The following ITFG1 variants were observed in gnomAD, a reference collection of about 807,000 sequenced individuals.
ITFG1 encodes the protein integrin alpha FG-GAP repeat containing 1.
In ITFG1, 34 loss-of-function variants were observed where a neutral mutation model predicts 81.8. The ratio of observed to expected loss-of-function variants is 0.42; its 90% CI spans 0.32 to 0.55. The LOEUF is 0.55. Ranked by LOEUF, ITFG1 falls within the 20% of genes least tolerant of loss-of-function variation. The pLI is 0.17. For missense variants in ITFG1, 672 were observed against 755.4 expected, an observed-to-expected ratio of 0.89 and a Z score of 1.29; for synonymous variants, 285 against 270.6, an observed-to-expected ratio of 1.05 and a Z score of -0.52.
At chr16:47,359,663 G>C (rs1050104099) in intron 8 of ITFG1, among the ~76,000 whole-genome samples, 3 of 152,090 alleles carry the variant, frequency 2.0e-5, no homozygotes, top group Admixed American at 2.0e-4. Flanking sequence ...ACAAGACCTG[G>C]CCAAGTGCCA....
intron 8 of ITFG1, among the ~76,000 whole-genome samples, chr16:47,327,998 A>C (rs1967579200): frequency 6.6e-6 from 1 of 152,182 alleles, no homozygotes; most frequent in Non-Finnish European, 1.5e-5. Flanking sequence ...ATTATAAATA[A>C]TGCTGCTATA....
chr16:47,454,819 C>T (rs1969432157), intron 2 of ITFG1, among the ~76,000 whole-genome samples: 1 of 152,028 alleles, frequency 6.6e-6, no homozygotes, highest in Non-Finnish European at 1.5e-5. Flanking sequence ...AGCTTAACGT[C>T]CTGCAGTCTT....
At chr16:47,354,602 G>A (rs568209035) in intron 8 of ITFG1, among the ~76,000 whole-genome samples, 2 of 152,128 alleles carry the variant, frequency 1.3e-5, no homozygotes, top group East Asian at 3.9e-4. Flanking sequence ...AAACAAGTAA[G>A]AGTGATGAGA....
At chr16:47,421,127 A>C (rs1337658256) in intron 6 of ITFG1, among the ~76,000 whole-genome samples, 2 of 152,030 alleles carry the variant, frequency 1.3e-5, no homozygotes, top group Non-Finnish European at 2.9e-5. Context: ...CTTTCAGTCT[A>C]TACATGTTGT....
intron 1 of ITFG1, 134 bp downstream of exon 1, chr16:47,460,704 C>T (rs1246691277): frequency 2.0e-5 from 19 of 967,304 alleles, no homozygotes; most frequent in Non-Finnish European, 3.0e-5. Context: ...GTTAAGAATG[C>T]TAAAGGGAAG....
intron 12 of ITFG1, among the ~76,000 whole-genome samples, chr16:47,246,489 G>C (rs976392435): frequency 1.3e-5 from 2 of 152,082 alleles, no homozygotes; most frequent in African/African-American, 4.8e-5. Flanking sequence ...TATCATGCTG[G>C]TTCATAATAT....
At chr16:47,217,160 G>C (rs777259628) in intron 14 of ITFG1, among the ~76,000 whole-genome samples, 2 of 150,618 alleles carry the variant, frequency 1.3e-5, no homozygotes, top group Non-Finnish European at 3.0e-5. Flanking sequence ...AAAAGAAAAA[G>C]AAAGTATTTT....
intron 8 of ITFG1, among the ~76,000 whole-genome samples, chr16:47,337,073 G>T (rs1967714373): frequency 6.7e-6 from 1 of 150,298 alleles, no homozygotes; most frequent in Non-Finnish European, 1.5e-5. Flanking sequence ...GGGAGGCGGG[G>T]GTTGCAGTGA....
intron 13 of ITFG1, among the ~76,000 whole-genome samples, chr16:47,230,925 T>G (rs1965810629): frequency 6.6e-6 from 1 of 152,164 alleles, no homozygotes; most frequent in African/African-American, 2.4e-5. Context: ...ATTTTTTGTA[T>G]TTTTAGTAGA....
At chr16:47,349,041 A>G (rs939526077) in intron 8 of ITFG1, among the ~76,000 whole-genome samples, 5 of 152,222 alleles carry the variant, frequency 3.3e-5, no homozygotes, top group African/African-American at 9.6e-5. Context: ...GGCCTGCCCT[A>G]AAAGAGCTCC....
chr16:47,197,073 A>C (rs1965366967), intron 14 of ITFG1, among the ~76,000 whole-genome samples: 1 of 152,204 alleles, frequency 6.6e-6, no homozygotes, highest in Non-Finnish European at 1.5e-5. Flanking sequence ...GAAGGAAATA[A>C]AAGTACTTAA....
Position 47,154,531 on chromosome 16 carries a change from C to T in ITFG1, c.*1188G>A, listed in dbSNP as rs1017147617. The T allele has an allele frequency of 3.9e-5, 6 of 152,076 alleles. No homozygotes were observed. The highest frequency in any genetic ancestry group is 3.3e-4 in the Admixed American group (5 of 15,274). 9.4% of individuals were successfully genotyped at this position (152,076 alleles called of 1,614,324 possible). Reference sequence around the variant, plus strand: ...AGAAATTTTTGTGTTTTATAGGCATCACATGTCCATTTGCATACTAGAAAA... The same window carrying T: ...AGAAATTTTTGTGTTTTATAGGCATTACATGTCCATTTGCATACTAGAAAA... On this transcript the variant is annotated 3_prime_UTR_variant, in exon 18 of 18. Coordinates refer to ENST00000320640, the MANE Select transcript of ITFG1 (RefSeq NM_030790.5).
chr16:47,246,965 G>C (rs1413250271), intron 12 of ITFG1, among the ~76,000 whole-genome samples: 2 of 152,006 alleles, frequency 1.3e-5, no homozygotes, highest in Non-Finnish European at 2.9e-5. Context: ...TGTATTTTTA[G>C]TAGTGATGGG....
intron 14 of ITFG1, among the ~76,000 whole-genome samples, chr16:47,209,364 A>G (rs1030902174): frequency 2.6e-5 from 4 of 152,172 alleles, no homozygotes; most frequent in African/African-American, 9.7e-5. Flanking sequence ...AAAAGCAAAG[A>G]AGCATAACAT....
In ITFG1 at chr16:47,352,666, T is replaced by C. The variant is rs149771190; in HGVS notation, c.802+13122A>G. 6.8e-3 allele frequency among the ~76,000 whole-genome samples: 1,042 copies of C among 152,300 alleles called. 13 individuals carry two copies. Among genetic ancestry groups the C allele is most frequent in the African/African-American group, 0.023 (973 of 41,550 alleles). On this transcript the variant is annotated intron_variant, in intron 8 of 17. Transcript: ENST00000320640. Reference sequence around the variant, plus strand: ...TCAGTGTGGCGATTCCTCAGGGATCTAGAACTAGAAATACCATTTGACCCA... The same window carrying C: ...TCAGTGTGGCGATTCCTCAGGGATCCAGAACTAGAAATACCATTTGACCCA...
chr16:47,370,000 G>A (rs1234613526), intron 7 of ITFG1, among the ~76,000 whole-genome samples: 8 of 151,684 alleles, frequency 5.3e-5, no homozygotes, highest in Admixed American at 1.3e-4. Flanking sequence ...CACCACTCCC[G>A]GCTAACTTTT....
chr16:47,278,987 T>G (rs1430400600), intron 10 of ITFG1, among the ~76,000 whole-genome samples: 3 of 147,812 alleles, frequency 2.0e-5, no homozygotes, highest in Non-Finnish European at 4.5e-5. Flanking sequence ...AATCTTCCTA[T>G]TTTTTTTTAT....
At position 47,288,736 on chromosome 16, in the gene ITFG1, C is replaced by T. The variant is rs369111130; in HGVS notation, c.1070+22504G>A. Among the ~76,000 whole-genome samples the T allele has an allele frequency of 3.3e-5, 5 of 152,052 alleles. No homozygotes were observed. The East Asian group carries it at 9.7e-4, about 29-fold the overall frequency. ...TAACATGGTGAAACCCCGTCTCCACCAGAAACACAAAAACTAGCCAGCGTG... is the reference window on the plus strand; with the variant it reads ...TAACATGGTGAAACCCCGTCTCCACTAGAAACACAAAAACTAGCCAGCGTG... On this transcript the variant is annotated intron_variant, in intron 10 of 17. Transcript: ENST00000320640.
intron 14 of ITFG1, among the ~76,000 whole-genome samples, chr16:47,210,491 C>G (rs1407686272): frequency 6.6e-6 from 1 of 152,088 alleles, no homozygotes; most frequent in Admixed American, 6.6e-5. Context: ...ATCCTCTTAT[C>G]AGGGTCTTTC....
Sources: allele counts gnomAD v4.1 joint callset (sites outside exome capture counted in the v4.1 genomes callset), GRCh38; gene constraint gnomAD v4.1.1; transcripts MANE v1.5; gene names NCBI Gene and HGNC (gene_info 2026-07-23, HGNC 2026-07-21).